Variants in PCDHA1 observed in about 807,000 individuals in gnomAD.
The protein encoded by PCDHA1 is protocadherin alpha-1.
Under a neutral mutation model 61.3 loss-of-function variants are expected in PCDHA1, and 42 were observed. The observed-to-expected ratio is 0.69, with a 90% CI of 0.54 to 0.89. PCDHA1 has a LOEUF of 0.89. PCDHA1 is among the 40% of genes least tolerant of loss of function. The pLI is 0.00. For synonymous variants in PCDHA1, 610 were observed against 553.8 expected (o/e 1.10, Z -1.43); for missense variants, 1,256 against 1,235.3 (o/e 1.02, Z -0.25).
At chr5:140,973,354 T>A (rs937415600) in intron 1 of PCDHA1, among the ~76,000 whole-genome samples, 4 of 152,202 alleles carry the variant, frequency 2.6e-5, no homozygotes, top group Non-Finnish European at 5.9e-5. Flanking sequence ...AGTAGTGAAT[T>A]TATAAAAATT....
intron 1 of PCDHA1, among the ~76,000 whole-genome samples, chr5:140,902,299 A>G (rs2069363932): frequency 6.6e-6 from 1 of 150,916 alleles, no homozygotes; most frequent in Admixed American, 6.6e-5. Flanking sequence ...CAGCCTCCCA[A>G]AGTGCTGGGA....
chr5:140,850,260 G>A lies in PCDHA1; in HGVS notation c.2394+61576G>A, dbSNP rs371305325. ...GGTGCTGCGGTCGGTGGGCGCCGGC[G>A]TAGTGGTGGGGAAGGTGCGCGCAGT... On this transcript the variant is annotated intron_variant, in intron 1 of 3. Coordinates refer to ENST00000504120, the MANE Select transcript of PCDHA1 (RefSeq NM_018900.4). 17 of 1,594,256 alleles carry A rather than the reference G, an allele frequency of 1.1e-5. 2 individuals are homozygous for A. The highest frequency in any genetic ancestry group is 4.0e-5 in the African/African-American group (3 of 74,174).
At chr5:140,968,756 G>T in intron 1 of PCDHA1, 1 of 1,614,202 alleles carries the variant, frequency 6.2e-7, no homozygotes, top group Non-Finnish European at 8.5e-7. Flanking sequence ...GGTGGTCCGA[G>T]ATAATGGAGA....
chr5:140,982,795 A>ATGTG (rs60616196), intron 3 of PCDHA1, among the ~76,000 whole-genome samples: 1 of 151,628 alleles, frequency 6.6e-6, no homozygotes, highest in African/African-American at 2.4e-5. Context: ...GCATGTGTGC[A>ATGTG]TGTGTGTGTG....
intron 3 of PCDHA1, among the ~76,000 whole-genome samples, chr5:140,993,715 G>A (rs954129865): frequency 2.0e-5 from 3 of 152,060 alleles, no homozygotes; most frequent in Non-Finnish European, 4.4e-5. Flanking sequence ...TATTTTTACT[G>A]TACCTTTTCT....
chr5:140,887,321 C>A (rs1277860165), intron 1 of PCDHA1, among the ~76,000 whole-genome samples: 4 of 152,150 alleles, frequency 2.6e-5, no homozygotes, highest in Non-Finnish European at 5.9e-5. Flanking sequence ...TAGTCTCGAA[C>A]TCCTGACCTC....
chr5:140,949,630 T>C (rs549897729), intron 1 of PCDHA1, among the ~76,000 whole-genome samples: 2 of 152,016 alleles, frequency 1.3e-5, no homozygotes, highest in South Asian at 4.1e-4. Flanking sequence ...TTTCATGGCA[T>C]ATTGCTTTTT....
intron 3 of PCDHA1, among the ~76,000 whole-genome samples, chr5:140,996,100 G>A (rs1554255000): frequency 1.3e-5 from 2 of 152,190 alleles, no homozygotes; most frequent in Non-Finnish European, 2.9e-5. Flanking sequence ...TACATGGAAT[G>A]GTATGGAAGT....
rs782463768 is a variant in PCDHA1, at chr5:140,803,220, G to A, written c.2394+14536G>A. On this transcript the variant is annotated intron_variant, in intron 1 of 3. Transcript: ENST00000504120. ...GGTGTCGCTGGTGGAGAGTGGCCAG[G>A]CACCCAAGGCCTCGTCCCAGGCGTC... 48 of 1,613,816 alleles carry A rather than the reference G, an allele frequency of 3.0e-5. No homozygotes were observed. The South Asian group carries it at 4.6e-4, about 16-fold the overall frequency.
intron 1 of PCDHA1, among the ~76,000 whole-genome samples, chr5:140,915,425 A>T (rs2077115235): frequency 6.6e-6 from 1 of 152,056 alleles, no homozygotes; most frequent in African/African-American, 2.4e-5. Flanking sequence ...GGGCTTGTTT[A>T]TCCCTGTCCT....
intron 1 of PCDHA1, among the ~76,000 whole-genome samples, chr5:140,846,560 G>A (rs1327875705): frequency 6.8e-6 from 1 of 148,012 alleles, no homozygotes; most frequent in Non-Finnish European, 1.5e-5. Context: ...ATTTTTAGTA[G>A]AGTCGGGGTT....
rs782172629 is a variant in PCDHA1, at chr5:140,803,281, A to G, written c.2394+14597A>G. 3 of 1,614,042 alleles carry G rather than the reference A, an allele frequency of 1.9e-6. No homozygotes were observed. In the Middle Eastern group the frequency reaches 4.9e-4, roughly 266 times the overall value. On this transcript the variant is annotated intron_variant, in intron 1 of 3. Transcript: ENST00000504120. ...ACGGGCCCGGAAGCTGCACTGGTGGATGTCAACGTGTACTTGATCGTCGCC... is the reference window on the plus strand; with the variant it reads ...ACGGGCCCGGAAGCTGCACTGGTGGGTGTCAACGTGTACTTGATCGTCGCC...
intron 1 of PCDHA1, chr5:140,807,056 C>A: frequency 9.3e-7 from 1 of 1,079,728 alleles, no homozygotes; most frequent in Non-Finnish European, 1.3e-6. Context: ...TCTATTCTTA[C>A]TGGAAGGAAC....
chr5:140,850,783 G>T, intron 1 of PCDHA1: 1 of 1,598,172 alleles, frequency 6.3e-7, no homozygotes, highest in Non-Finnish European at 8.6e-7. Context: ...TCTGGCGAGG[G>T]TAAGCAGAAG....
chr5:140,836,634 T>C (rs1554136166), intron 1 of PCDHA1: 3 of 1,613,416 alleles, frequency 1.9e-6, no homozygotes, highest in Non-Finnish European at 8.5e-7. Context: ...CTGGTCATTC[T>C]CCCAGCAGAG....
chr5:140,883,355 A>T (rs763058953), intron 1 of PCDHA1: 2 of 1,614,076 alleles, frequency 1.2e-6, no homozygotes, highest in Admixed American at 3.3e-5. Context: ...CAGAGAAGAC[A>T]CTCAGCCTAG....
chr5:140,824,623 T>TTATTTTTTTA (rs1768266110), intron 1 of PCDHA1: 3 of 132,188 alleles, frequency 2.3e-5, no homozygotes, highest in Middle Eastern at 3.2e-3. Context: ...TTTTTTTTTT[T>TTATTTTTTTA]TTTTTTTTTA....
chr5:140,951,084 T>C (rs190031878), intron 1 of PCDHA1, among the ~76,000 whole-genome samples: 2 of 152,168 alleles, frequency 1.3e-5, no homozygotes, highest in African/African-American at 4.8e-5. Context: ...ATATTTTCCT[T>C]TTTTTCTGAT....
chr5:140,876,206 C>A, intron 1 of PCDHA1: 1 of 1,613,864 alleles, frequency 6.2e-7, no homozygotes, highest in Non-Finnish European at 8.5e-7. Flanking sequence ...TTTGATAAGC[C>A]CAGCTATAAA....
Sources: gnomAD v4.1 joint callset for allele counts (sites outside exome capture counted in the v4.1 genomes callset) on GRCh38, gnomAD v4.1.1 for gene constraint, MANE v1.5 for transcripts, NCBI Gene and HGNC (gene_info 2026-07-23, HGNC 2026-07-21) for gene names.